The following POSTN variants were observed in gnomAD, a reference collection of about 807,000 sequenced individuals.
POSTN encodes osteoblast specific factor 2 (fasciclin I-like).
A neutral mutation model predicts 104.5 loss-of-function variants in POSTN; 71 were observed. That is an observed-to-expected ratio of 0.68 (90% CI 0.56 to 0.83). POSTN has a LOEUF of 0.83. Among genes scored for constraint, POSTN ranks in the 40% least tolerant of loss-of-function variants. The probability of loss-of-function intolerance (pLI) is 0.00; values close to 1 mark genes in which losing one functional copy is unlikely to be tolerated. For synonymous variants in POSTN, 355 were observed against 340.7 expected (o/e 1.04, Z -0.46); for missense variants, 949 against 1,006.8 (o/e 0.94, Z 0.78).
intron 21 of POSTN, chr13:37,564,973 T>A (rs973765565): frequency 9.5e-5 from 15 of 158,140 alleles, no homozygotes; most frequent in Non-Finnish European, 1.7e-4. Context: ...TTTGCAGTCA[T>A]ACCTATGTGC....
At chr13:37,566,476 T>G (rs192205827) in intron 21 of POSTN, among the ~76,000 whole-genome samples, 82 of 152,282 alleles carry the variant, frequency 5.4e-4, no homozygotes, top group Non-Finnish European at 1.1e-3. Flanking sequence ...GTGCTGAACA[T>G]TGTTCTAAGA....
In POSTN at chr13:37,563,209, T is replaced by C; in HGVS notation, c.*124A>G. ...AAAATATTAAATTTGTGTTCAGAAT[T>C]ATTTGATGATTGCTTCTTTGTGCTG... is the stretch of plus-strand genomic sequence containing the variant. On this transcript the variant is annotated 3_prime_UTR_variant, in exon 23 of 23. Transcript: ENST00000379747. 1 of 521,924 alleles carries C rather than the reference T, an allele frequency of 1.9e-6. No individual in the cohort carries two copies. The highest frequency in any genetic ancestry group is 3.4e-6 in the Non-Finnish European group (1 of 295,420). 32.3% of individuals were successfully genotyped at this position (521,924 alleles called of 1,614,324 possible).
rs1214623644 is a variant in POSTN, at chr13:37,579,931, G to C, written c.1590C>G (p.Asp530Glu). Reference protein sequence around the residue: ...DLKELLTQPGDWTLFVPTNDA... With the variant: ...DLKELLTQPGEWTLFVPTNDA... The stretch of plus-strand genomic sequence containing the variant: ...CATTGGTTGGCACAAATAATGTCCA[G>C]TCTCCAGGTTGTGTCAGGAGCTCTT... The change falls in exon 12 of 23, where the codon GAC becomes GAG. Residue 530 changes from aspartate (D) to glutamate (E), a missense_variant. By Grantham distance (45) the Asp-to-Glu change is conservative. Transcript: ENST00000379747. The C allele has an allele frequency of 1.9e-6, 3 of 1,613,414 alleles. No individual in the cohort carries two copies. Among genetic ancestry groups the C allele is most frequent in the Non-Finnish European group, 2.5e-6 (3 of 1,179,496 alleles).
At chr13:37,592,033 C>T in intron 3 of POSTN, 67 bp downstream of exon 3, 1 of 1,123,262 alleles carries the variant, frequency 8.9e-7, no homozygotes, top group South Asian at 1.3e-5. Flanking sequence ...ATTGGCTTCT[C>T]CACAAGCCAC....
At chr13:37,575,643 G>A (rs1813866736) in intron 16 of POSTN, among the ~76,000 whole-genome samples, 1 of 152,062 alleles carries the variant, frequency 6.6e-6, no homozygotes, top group Non-Finnish European at 1.5e-5. Flanking sequence ...AGCTAACTGT[G>A]CATCTAGATC....
chr13:37,574,854 T>C (rs941430192), intron 16 of POSTN, among the ~76,000 whole-genome samples: 2 of 151,934 alleles, frequency 1.3e-5, no homozygotes, highest in Non-Finnish European at 2.9e-5. Context: ...CTCTGAAGTC[T>C]AGTGACTTGA....
rs748419029 is a variant in POSTN, at chr13:37,590,406, G to A, written c.407C>T (p.Ala136Val). ...GTTGTCCCAAGCCTCATTACTCGGT[G>A]CAAAGTAAGTGAAGGATCCCTTTCC... ...IEGKGSFTYFAPSNEAWDNLD... is the reference protein window; with the variant it reads ...IEGKGSFTYFVPSNEAWDNLD... The change falls in exon 4 of 23, where the codon GCA (alanine) becomes GTA (valine). Residue 136 changes from alanine (A) to valine (V), a missense_variant. Transcript: ENST00000379747. 1.2e-6 allele frequency: 2 copies of A among 1,601,804 alleles called. No individual in the cohort carries two copies. Among genetic ancestry groups the A allele is most frequent in the South Asian group, 1.1e-5 (1 of 89,248 alleles).
chr13:37,587,931 T>C lies in POSTN; in HGVS notation c.497A>G (p.His166Arg). The C allele has an allele frequency of 2.5e-6, 4 of 1,602,176 alleles. No homozygotes were observed. The highest frequency in any genetic ancestry group is 3.4e-6 in the Non-Finnish European group (4 of 1,169,726). Reference sequence around the variant, plus strand: ...CATTCTCTTATTAATCATGTGACTATGTAAAGCATTCAGTAATTCAACATT... The same window carrying C: ...CATTCTCTTATTAATCATGTGACTACGTAAAGCATTCAGTAATTCAACATT... ...NVNVELLNALHSHMINKRMLT... is the reference protein window; with the variant it reads ...NVNVELLNALRSHMINKRMLT... Residue 166 changes from histidine (H) to arginine (R), a missense_variant, in exon 5 of 23, where the codon CAT becomes CGT. Transcript: ENST00000379747.
At chr13:37,593,702 C>T (rs117902758) in intron 2 of POSTN, among the ~76,000 whole-genome samples, 3,847 of 151,244 alleles carry the variant, frequency 0.025, 78 homozygotes, top group Middle Eastern at 0.038. Flanking sequence ...TGAAAGAGAT[C>T]GCCAAGTATA....
chr13:37,585,466 TA>T (rs1163526248), intron 7 of POSTN, among the ~76,000 whole-genome samples: 2 of 152,190 alleles, frequency 1.3e-5, no homozygotes, highest in Non-Finnish European at 2.9e-5. Flanking sequence ...AATATTTGTA[TA>T]TAACATGTAA....
At chr13:37,591,802 T>C (rs982204555) in intron 3 of POSTN, among the ~76,000 whole-genome samples, 2 of 152,218 alleles carry the variant, frequency 1.3e-5, no homozygotes, top group Non-Finnish European at 2.9e-5. Context: ...TTGAGTTCCA[T>C]GTTCCTAGAC....
At position 37,597,198 on chromosome 13, in the gene POSTN, G is replaced by A; in HGVS notation, c.204C>T (p.Ile68=). 6.4e-7 allele frequency: 1 copy of A among 1,559,304 alleles called. No individual in the cohort carries two copies. The highest frequency in any genetic ancestry group is 8.6e-7 in the Non-Finnish European group (1 of 1,159,866). ...STCKNWYKKS[I]CGQKTTVLYE... The stretch of plus-strand genomic sequence containing the variant: ...AAGAGACTTACGTTTTCTGTCCACA[G>A]ATGGACTTTTTATACCAGTTCTTAC... The change falls in exon 2 of 23, where the codon ATC becomes ATT. Residue 68 remains isoleucine (I), a synonymous_variant. Coordinates refer to ENST00000379747, the MANE Select transcript of POSTN (RefSeq NM_006475.3).
At chr13:37,579,645 T>C (rs542787060) in intron 12 of POSTN, among the ~76,000 whole-genome samples, 3 of 152,288 alleles carry the variant, frequency 2.0e-5, no homozygotes, top group Non-Finnish European at 4.4e-5. Flanking sequence ...ACCACATAAG[T>C]GAACATCTAG....
chr13:37,581,181 T>C (rs1394533189), intron 10 of POSTN, among the ~76,000 whole-genome samples: 1 of 152,202 alleles, frequency 6.6e-6, no homozygotes, highest in East Asian at 1.9e-4. Context: ...GATATATATA[T>C]ACACACATAT....
At chr13:37,580,891 T>G (rs538868045) in intron 10 of POSTN, among the ~76,000 whole-genome samples, 194 bp from the exon 11 acceptor site, 13 of 152,216 alleles carry the variant, frequency 8.5e-5, no homozygotes, top group Admixed American at 8.5e-4. Flanking sequence ...TCTAGCCGGG[T>G]TTTTTATTAA....
At chr13:37,598,554 C>T in intron 1 of POSTN, 54 bp downstream of exon 1, 1 of 1,547,230 alleles carries the variant, frequency 6.5e-7, no homozygotes, top group Non-Finnish European at 8.9e-7. Flanking sequence ...ACTTGAACAT[C>T]TAACAAGCTG....
intron 2 of POSTN, among the ~76,000 whole-genome samples, chr13:37,594,611 G>C (rs1459813459): frequency 2.0e-5 from 3 of 152,034 alleles, no homozygotes; most frequent in Admixed American, 2.0e-4. Flanking sequence ...TGAGATGCCA[G>C]CTAAAAATAT....
intron 7 of POSTN, 58 bp from the exon 8 acceptor site, chr13:37,584,986 T>C: frequency 6.3e-7 from 1 of 1,587,910 alleles, no homozygotes; most frequent in Non-Finnish European, 8.6e-7. Context: ...CATTTGACCC[T>C]GAAAAGATGT....
intron 16 of POSTN, among the ~76,000 whole-genome samples, chr13:37,577,326 C>T (rs1769200631): frequency 6.6e-6 from 1 of 152,142 alleles, no homozygotes; most frequent in African/African-American, 2.4e-5. Flanking sequence ...CATTGGTATT[C>T]TTCAACACGT....
Sources: gnomAD v4.1 joint callset for allele counts (sites outside exome capture counted in the v4.1 genomes callset) on GRCh38, gnomAD v4.1.1 for gene constraint, MANE v1.5 for transcripts, NCBI Gene and HGNC (gene_info 2026-07-23, HGNC 2026-07-21) for gene names.